The following ACOD1 variants were observed in gnomAD, a reference collection of about 807,000 sequenced individuals.
The protein encoded by ACOD1 is aconitate decarboxylase 1, also known as cis-aconitate decarboxylase.
In ACOD1, 14 loss-of-function variants were observed where a neutral mutation model predicts 14.2. That is an observed-to-expected ratio of 0.99 (90% CI 0.65 to 1.54). The LOEUF (loss-of-function observed/expected upper bound fraction) is 1.54, where lower values mean the gene tolerates loss of function less well. Among genes scored for constraint, ACOD1 ranks in the 40% most tolerant of loss-of-function variants. ACOD1 has a pLI of 0.00. For synonymous variants in ACOD1, 182 were observed against 221.7 expected, an observed-to-expected ratio of 0.82 and a Z score of 1.59; for missense variants, 530 against 586.3, an observed-to-expected ratio of 0.90 and a Z score of 0.99.
At chr13:76,950,969 T>C (rs1037034813) in intron 1 of ACOD1, among the ~76,000 whole-genome samples, 2 of 152,114 alleles carry the variant, frequency 1.3e-5, no homozygotes, top group Non-Finnish European at 2.9e-5. Context: ...CTCCCAGCCT[T>C]GGCCCTTGCT....
At chr13:76,954,970 T>C (rs1177803420) in intron 3 of ACOD1, among the ~76,000 whole-genome samples, 2 of 151,512 alleles carry the variant, frequency 1.3e-5, no homozygotes, top group Non-Finnish European at 2.9e-5. Context: ...CTACTAAAAA[T>C]ACAAAAATTA....
chr13:76,954,643 G>A (rs1475837489), intron 3 of ACOD1, among the ~76,000 whole-genome samples: 1 of 152,146 alleles, frequency 6.6e-6, no homozygotes, highest in East Asian at 1.9e-4. Flanking sequence ...GGGTGGAGGA[G>A]GAATTGCCAG....
chr13:76,955,305 G>A lies in ACOD1; in HGVS notation c.265-14G>A, dbSNP rs1229992156. On this transcript the variant is annotated splice_polypyrimidine_tract_variant and intron_variant, in intron 3 of 4. Transcript: ENST00000377462. ...TTTAAGGCTTTTTGTTGCTGTTTGT[G>A]TCTGTTTATACAGATTCACTCCATG... The A allele has an allele frequency of 1.3e-6, 2 of 1,547,850 alleles. No individual in the cohort carries two copies. The highest frequency in any genetic ancestry group is 1.7e-6 in the Non-Finnish European group (2 of 1,145,566).
chr13:76,957,484 T>A lies in ACOD1; in HGVS notation c.945T>A (p.Asn315Lys). Residue 315 changes from asparagine to lysine, a missense_variant, in exon 5 of 5, where the codon AAT becomes AAA. Asn to Lys is a moderately conservative substitution (Grantham distance 94). Coordinates refer to ENST00000377462, the MANE Select transcript of ACOD1 (RefSeq NM_001258406.2). ...YIKRIVLRIP[N>K]VQYVNRPFPV... Reference sequence around the variant, plus strand: ...AGAGAATTGTGCTCAGGATACCAAATGTCCAGTATGTAAACAGGCCCTTTC... The same window carrying A: ...AGAGAATTGTGCTCAGGATACCAAAAGTCCAGTATGTAAACAGGCCCTTTC... 6.4e-7 allele frequency: 1 copy of A among 1,550,616 alleles called. No homozygotes were observed. The highest frequency in any genetic ancestry group is 8.7e-7 in the Non-Finnish European group (1 of 1,147,002).
chr13:76,955,408 C>T lies in ACOD1; in HGVS notation c.354C>T (p.Ala118=). 1 of 1,550,610 alleles carries T rather than the reference C, an allele frequency of 6.4e-7. No individual in the cohort carries two copies. Among genetic ancestry groups the T allele is most frequent in the Non-Finnish European group, 8.7e-7 (1 of 1,147,004 alleles). The change falls in exon 4 of 5, where the codon GCC becomes GCT. Residue 118 remains alanine (A), a synonymous_variant. Coordinates refer to ENST00000377462, the MANE Select transcript of ACOD1 (RefSeq NM_001258406.2). ...CTGTCCTCACAGCTTTAGCAGAAGC[C>T]CTGCCAAGGAGTCCAAAGTTTTCTG... is the stretch of plus-strand genomic sequence containing the variant. The part of the protein sequence containing the change: ...VLPVLTALAE[A]LPRSPKFSGL...
At chr13:76,955,179 A>T (rs2033862607) in intron 3 of ACOD1, 140 bp from the exon 4 acceptor site, 1 of 579,770 alleles carries the variant, frequency 1.7e-6, no homozygotes, top group East Asian at 3.2e-5. Context: ...CATTTCTCAG[A>T]TTTTCTTTTC....
At chr13:76,956,836 ACT>A (rs1341208068) in intron 4 of ACOD1, among the ~76,000 whole-genome samples, 172 bp from the exon 5 acceptor site, 4 of 152,016 alleles carry the variant, frequency 2.6e-5, no homozygotes, top group Non-Finnish European at 5.9e-5. Context: ...TGTAAGAAAA[ACT>A]CTACAGAGAA....
intron 1 of ACOD1, among the ~76,000 whole-genome samples, chr13:76,950,711 CCT>C (rs995078024): frequency 6.6e-6 from 1 of 152,106 alleles, no homozygotes; most frequent in Non-Finnish European, 1.5e-5. Context: ...TTTCACTGCC[CCT>C]GTCTACCCCT....
chr13:76,950,864 G>A (rs750140490), intron 1 of ACOD1, among the ~76,000 whole-genome samples: 4 of 152,010 alleles, frequency 2.6e-5, no homozygotes, highest in Non-Finnish European at 5.9e-5. Flanking sequence ...TTCATCATTC[G>A]GTCATAAGCT....
chr13:76,955,165 CAG>C (rs2033862493), intron 3 of ACOD1, among the ~76,000 whole-genome samples, 152 bp from the exon 4 acceptor site: 1 of 146,716 alleles, frequency 6.8e-6, no homozygotes, highest in South Asian at 2.2e-4. Context: ...AAAAAAATCA[CAG>C]ACATTTCTCA....
Position 76,957,823 on chromosome 13 carries a change from G to T in ACOD1, c.1284G>T (p.Lys428Asn), listed in dbSNP as rs1007210478. 16 of 1,550,946 alleles carry T rather than the reference G, an allele frequency of 1.0e-5. No homozygotes were observed. The African/African-American group carries it at 2.2e-4, about 21-fold the overall frequency. ...AAAAGTTCAGAGCCAATGCCTCCAA[G>T]ATGCTGTCCTGGGACACAGTGGAAA... ...LEEKFRANAS[K>N]MLSWDTVESL... The change falls in exon 5 of 5, where the codon AAG (lysine) becomes AAT (asparagine). Residue 428 changes from lysine (K) to asparagine (N), a missense_variant. Physicochemically the swap from Lys to Asn is moderately conservative, Grantham distance 94. Transcript: ENST00000377462.
intron 1 of ACOD1, 119 bp from the exon 2 acceptor site, chr13:76,952,370 C>A: frequency 1.3e-6 from 1 of 773,466 alleles, no homozygotes; most frequent in African/African-American, 1.8e-5. Context: ...ATCTGAGCAA[C>A]TGGGTTTCTT....
At chr13:76,956,594 C>T (rs971613884) in intron 4 of ACOD1, among the ~76,000 whole-genome samples, 1 of 152,052 alleles carries the variant, frequency 6.6e-6, no homozygotes, top group African/African-American at 2.4e-5. Context: ...CTCACTGCAG[C>T]GTCTGCCTCC....
chr13:76,957,192 G>A lies in ACOD1; in HGVS notation c.653G>A (p.Gly218Glu). The stretch of plus-strand genomic sequence containing the variant: ...CACATTGGCAATGCTGCCAAGCATG[G>A]GATAGAAGCTGCATTTTTGGCAATG... ...PLHIGNAAKHGIEAAFLAMLG... is the reference protein window; with the variant it reads ...PLHIGNAAKHEIEAAFLAMLG... The change falls in exon 5 of 5, where the codon GGG becomes GAG. Residue 218 changes from glycine (G) to glutamate (E), a missense_variant. Coordinates refer to ENST00000377462, the MANE Select transcript of ACOD1 (RefSeq NM_001258406.2). 1 of 1,550,648 alleles carries A rather than the reference G, an allele frequency of 6.4e-7. No individual in the cohort carries two copies. The highest frequency in any genetic ancestry group is 8.7e-7 in the Non-Finnish European group (1 of 1,147,006).
intron 1 of ACOD1, among the ~76,000 whole-genome samples, chr13:76,949,132 T>C (rs373991687): frequency 6.6e-6 from 1 of 152,062 alleles, no homozygotes; most frequent in African/African-American, 2.4e-5. Context: ...CTGGGCGTGG[T>C]GGCAGGCGCC....
chr13:76,949,953 T>C (rs1267804344), intron 1 of ACOD1, among the ~76,000 whole-genome samples: 5 of 152,120 alleles, frequency 3.3e-5, no homozygotes, highest in African/African-American at 1.2e-4. Flanking sequence ...CCAGCCATCT[T>C]CTCTCCTGCT....
Position 76,955,497 on chromosome 13 carries a change from C to T in ACOD1, c.443C>T (p.Ala148Val). The T allele has an allele frequency of 6.4e-7, 1 of 1,550,640 alleles. No individual in the cohort carries two copies. Among genetic ancestry groups the T allele is most frequent in the Non-Finnish European group, 8.7e-7 (1 of 1,147,010 alleles). The change falls in exon 4 of 5, where the codon GCC becomes GTC. Residue 148 changes from alanine (A) to valine (V), a missense_variant. Coordinates refer to ENST00000377462, the MANE Select transcript of ACOD1 (RefSeq NM_001258406.2). Reference sequence around the variant, plus strand: ...GTGCAAGGCCGATTACTGCATTTCGCCAAGGAGGCCAATGACATGCCAAAG... The same window carrying T: ...GTGCAAGGCCGATTACTGCATTTCGTCAAGGAGGCCAATGACATGCCAAAG... ...IEVQGRLLHF[A>V]KEANDMPKRF...
rs1023022061 is a variant in ACOD1 at position 76,958,557 on chromosome 13, G to T, written c.*572G>T. Reference sequence around the variant, plus strand: ...AAGTAAAAAGCAGTCTGGAAAAATCGCATTTTGGCTCTAGAACCCATGGTC... The same window carrying T: ...AAGTAAAAAGCAGTCTGGAAAAATCTCATTTTGGCTCTAGAACCCATGGTC... On this transcript the variant is annotated 3_prime_UTR_variant, in exon 5 of 5. Coordinates refer to ENST00000377462, the MANE Select transcript of ACOD1 (RefSeq NM_001258406.2). The T allele has an allele frequency of 6.6e-6, 1 of 152,386 alleles. No individual in the cohort carries two copies. Among genetic ancestry groups the T allele is most frequent in the African/African-American group, 2.4e-5 (1 of 41,414 alleles). The allele number at this position is 152,386 out of a possible 1,614,324, so 9.4% of individuals were successfully genotyped here.
At chr13:76,956,190 T>C (rs1452728517) in intron 4 of ACOD1, among the ~76,000 whole-genome samples, 1 of 152,182 alleles carries the variant, frequency 6.6e-6, no homozygotes, top group African/African-American at 2.4e-5. Context: ...GAGGTAGATG[T>C]TATTATTATC....
Sources: allele counts gnomAD v4.1 joint callset (sites outside exome capture counted in the v4.1 genomes callset), GRCh38; gene constraint gnomAD v4.1.1; transcripts MANE v1.5; gene names NCBI Gene and HGNC (gene_info 2026-07-23, HGNC 2026-07-21).